FURIN: variants seen among roughly 807,000 people sequenced by gnomAD.
The protein encoded by FURIN is FES upstream region.
A neutral mutation model predicts 89.2 loss-of-function variants in FURIN; 18 were observed. The ratio of observed to expected loss-of-function variants is 0.20; its 90% confidence interval spans 0.14 to 0.30. The LOEUF is 0.30. FURIN is among the 10% of genes least tolerant of loss of function. FURIN has a pLI of 1.00. For synonymous variants in FURIN, 508 were observed against 466.4 expected, an observed-to-expected ratio of 1.09 and a Z score of -1.15; for missense variants, 879 against 1,100.5, an observed-to-expected ratio of 0.80 and a Z score of 2.85.
intron 1 of FURIN, among the ~76,000 whole-genome samples, chr15:90,871,840 G>A (rs1033064520): frequency 3.3e-5 from 5 of 150,076 alleles, no homozygotes; most frequent in African/African-American, 1.2e-4. Context: ...GGCCGGCCCC[G>A]AGGGTGGAGC....
chr15:90,874,915 C>T (rs574809095), intron 1 of FURIN, among the ~76,000 whole-genome samples: 1 of 152,052 alleles, frequency 6.6e-6, no homozygotes, highest in African/African-American at 2.4e-5. Flanking sequence ...TGTGTACATA[C>T]TGCTTTATAA....
rs746828864 is a variant in FURIN, at chr15:90,878,775, G to A, written c.852G>A (p.Gly284=). The part of the protein sequence containing the change: ...FFRGVSQGRG[G]LGSIFVWASG... ...CACTCTGTCCACAGGGCCGAGGGGG[G>A]CTGGGCTCCATCTTTGTCTGGGCCT... is the stretch of plus-strand genomic sequence containing the variant. The change falls in exon 9 of 16, where the codon GGG becomes GGA. Residue 284 remains glycine (G), a synonymous_variant. Coordinates refer to ENST00000268171, the MANE Select transcript of FURIN (RefSeq NM_002569.4). 1 of 1,604,256 alleles carries A rather than the reference G, an allele frequency of 6.2e-7. No homozygotes were observed.
At position 90,876,408 on chromosome 15, in the gene FURIN, A is replaced by G. The variant is rs977304908; in HGVS notation, c.277-54A>G. The stretch of plus-strand genomic sequence containing the variant: ...CCACCCTCCCCCTCCTGCTCTCAGG[A>G]GCCCCTCTCGCCTCCTGCTCCACCC... On this transcript the variant is annotated intron_variant, in intron 3 of 15. Coordinates refer to ENST00000268171, the MANE Select transcript of FURIN (RefSeq NM_002569.4). The surrounding 1 kb of genome is among the most constrained non-coding windows in gnomAD (Gnocchi z 5.0). 3.2e-5 allele frequency: 48 copies of G among 1,509,912 alleles called. No individual in the cohort carries two copies. The African/African-American group carries it at 4.9e-4, about 15-fold the overall frequency. 93.5% of individuals were successfully genotyped at this position (1,509,912 alleles called of 1,614,324 possible).
Position 90,879,383 on chromosome 15 carries a change from A to T in FURIN, c.1054-61A>T. The T allele has an allele frequency of 2.5e-6, 3 of 1,182,116 alleles. No homozygotes were observed. In the South Asian group the frequency reaches 3.7e-5, roughly 14 times the overall value. 73.2% of individuals were successfully genotyped at this position (1,182,116 alleles called of 1,614,324 possible). A position where few individuals can be genotyped will look rare whatever the true frequency, so the allele number is the denominator to read the frequency against. On this transcript the variant is annotated intron_variant, in intron 9 of 15. Coordinates refer to ENST00000268171, the MANE Select transcript of FURIN (RefSeq NM_002569.4). The stretch of plus-strand genomic sequence containing the variant: ...GCCTGTATGCAGAGGGAGGGTAGGC[A>T]GGTGGCTCCTCTAGCCCCCTCCACC...
At chr15:90,875,477 C>T in intron 1 of FURIN, 105 bp from the exon 2 acceptor site, 1 of 391,974 alleles carries the variant, frequency 2.6e-6, no homozygotes, top group Non-Finnish European at 4.5e-6. Context: ...TCCCCCAGAT[C>T]TCATTTCAGG....
chr15:90,875,630 C>T lies in FURIN; in HGVS notation c.-111C>T. On this transcript the variant is annotated 5_prime_UTR_variant, in exon 2 of 16. Coordinates refer to ENST00000268171, the MANE Select transcript of FURIN (RefSeq NM_002569.4). ...AGCCCTGCCCGTCTCGGCCCCATGC[C>T]CCCACCAGTCAGCCCCGGGCCACAG... is the stretch of plus-strand genomic sequence containing the variant. 4 of 954,680 alleles carry T rather than the reference C, an allele frequency of 4.2e-6. No homozygotes were observed. The highest frequency in any genetic ancestry group is 6.1e-6 in the Non-Finnish European group (4 of 658,956). 59.1% of individuals were successfully genotyped at this position (954,680 alleles called of 1,614,324 possible). A position where few individuals can be genotyped will look rare whatever the true frequency, so the allele number is the denominator to read the frequency against.
chr15:90,872,108 G>A (rs930660757), intron 1 of FURIN, among the ~76,000 whole-genome samples: 10 of 151,476 alleles, frequency 6.6e-5, no homozygotes, highest in African/African-American at 2.4e-4. Flanking sequence ...TCCGCCCGGG[G>A]AGGGGAGGAG....
At chr15:90,870,596 C>A (rs1179105183) in intron 1 of FURIN, among the ~76,000 whole-genome samples, 1 of 152,134 alleles carries the variant, frequency 6.6e-6, no homozygotes, top group Non-Finnish European at 1.5e-5. Context: ...TTGGAATAAC[C>A]CAGCCTGGGA....
At chr15:90,873,907 C>T (rs767545918) in intron 1 of FURIN, among the ~76,000 whole-genome samples, 18 of 152,218 alleles carry the variant, frequency 1.2e-4, no homozygotes, top group Non-Finnish European at 1.6e-4. Context: ...GGGACTGCAG[C>T]AGTCAGGGAG....
Position 90,878,206 on chromosome 15 carries a change from C to T in FURIN, c.742C>T (p.His248Tyr). The change falls in exon 8 of 16, where the codon CAC (histidine) becomes TAC (tyrosine). Residue 248 changes from histidine (H) to tyrosine (Y), a missense_variant. His to Tyr is a moderately conservative substitution (Grantham distance 83). Transcript: ENST00000268171. The stretch of plus-strand genomic sequence containing the variant: ...GCTGGGCCTGAACCCCAACCACATC[C>T]ACATCTACAGTGCCAGCTGGGGCCC... ...RSLGLNPNHI[H>Y]IYSASWGPED... The T allele has an allele frequency of 1.2e-6, 2 of 1,613,972 alleles. No individual in the cohort carries two copies. The highest frequency in any genetic ancestry group is 1.7e-6 in the Non-Finnish European group (2 of 1,179,984).
In FURIN at chr15:90,878,987, C is replaced by T; in HGVS notation, c.1053+11C>T. 3 of 1,532,270 alleles carry T rather than the reference C, an allele frequency of 2.0e-6. No individual in the cohort carries two copies. In the South Asian group the frequency reaches 3.5e-5, roughly 18 times the overall value. 94.9% of individuals were successfully genotyped at this position (1,532,270 alleles called of 1,614,324 possible). ...AATGAGAAGCAGATCGTGAGTCTTA[C>T]CTGGGGGTGGGGGCTGGGGAGATGG... On this transcript the variant is annotated intron_variant, in intron 9 of 15. Coordinates refer to ENST00000268171, the MANE Select transcript of FURIN (RefSeq NM_002569.4).
At position 90,877,520 on chromosome 15, in the gene FURIN, C is replaced by T; in HGVS notation, c.579-7C>T. 4 of 1,562,960 alleles carry T rather than the reference C, an allele frequency of 2.6e-6. No individual in the cohort carries two copies. The highest frequency in any genetic ancestry group is 3.5e-6 in the Non-Finnish European group (4 of 1,152,982). The stretch of plus-strand genomic sequence containing the variant: ...TTCTACTCATGCTACGTGCTTGGCC[C>T]TGGCAGGCACGGCACACGGTGTGCG... On this transcript the variant is annotated splice_region_variant and splice_polypyrimidine_tract_variant and intron_variant, in intron 6 of 15. Coordinates refer to ENST00000268171, the MANE Select transcript of FURIN (RefSeq NM_002569.4).
At chr15:90,870,642 G>A (rs925213800) in intron 1 of FURIN, among the ~76,000 whole-genome samples, 2 of 152,142 alleles carry the variant, frequency 1.3e-5, no homozygotes, top group African/African-American at 4.8e-5. Context: ...TTCTTTCTCA[G>A]CTCAAGCAGC....
At chr15:90,869,119 G>A (rs536074848) in intron 1 of FURIN, among the ~76,000 whole-genome samples, 200 of 152,248 alleles carry the variant, frequency 1.3e-3, no homozygotes, top group Non-Finnish European at 1.9e-3. Flanking sequence ...AGGCCTAGCT[G>A]GACTCTTCCT....
rs1193612220 is a variant in FURIN, at chr15:90,881,456, G to A, written c.1963G>A (p.Ala655Thr). 1.2e-6 allele frequency: 2 copies of A among 1,612,244 alleles called. No individual in the cohort carries two copies. Among genetic ancestry groups the A allele is most frequent in the African/African-American group, 1.3e-5 (1 of 75,012 alleles). ...CTCATGTGCCACATGCCAGGGGCCG[G>A]CCCTGACAGACTGCCTCAGCTGCCC... ...HASCATCQGP[A>T]LTDCLSCPSH... is the part of the protein sequence containing the mutation. The change falls in exon 16 of 16, where the codon GCC (alanine) becomes ACC (threonine). Residue 655 changes from alanine (A) to threonine (T), a missense_variant. By Grantham distance (58) the Ala-to-Thr change is moderately conservative (BLOSUM62 0). Transcript: ENST00000268171. The surrounding 1 kb of genome is among the most constrained non-coding windows in gnomAD (Gnocchi z 4.3).
chr15:90,871,126 C>T (rs1463181561), intron 1 of FURIN, among the ~76,000 whole-genome samples: 2 of 152,180 alleles, frequency 1.3e-5, no homozygotes, highest in African/African-American at 4.8e-5. Flanking sequence ...GACCCCAGGT[C>T]CGCCGTCCCT....
chr15:90,873,427 C>T (rs940887751), intron 1 of FURIN, among the ~76,000 whole-genome samples: 1 of 152,200 alleles, frequency 6.6e-6, no homozygotes, highest in African/African-American at 2.4e-5. Context: ...CTGGGCTAGA[C>T]CCAGATGAAC....
rs2031646403 is a variant in FURIN at position 90,876,640 on chromosome 15, C to T, written c.372+83C>T. 2.1e-6 allele frequency: 2 copies of T among 940,302 alleles called. No homozygotes were observed. Among genetic ancestry groups the T allele is most frequent in the Admixed American group, 3.8e-5 (2 of 52,160 alleles). 58.2% of individuals were successfully genotyped at this position (940,302 alleles called of 1,614,324 possible). On this transcript the variant is annotated intron_variant, in intron 4 of 15. Coordinates refer to ENST00000268171, the MANE Select transcript of FURIN (RefSeq NM_002569.4). This position sits in a 1 kb window ranked among gnomAD's most constrained non-coding sequence, Gnocchi z 5.0. ...TGAGCTCTTGGATGGAGGAGGCTGT[C>T]TTCGAGGCCTCCTCTGATTCGTTTC...
chr15:90,878,886 G>A lies in FURIN; in HGVS notation c.963G>A (p.Thr321=), dbSNP rs148427298. ...ACACGCTGTCCATCAGCAGCGCCAC[G>A]CAGTTTGGCAACGTGCCGTGGTACA... ...SIYTLSISSA[T]QFGNVPWYSE... Residue 321 remains threonine (T), a synonymous_variant, in exon 9 of 16, where the codon ACG becomes ACA. Coordinates refer to ENST00000268171, the MANE Select transcript of FURIN (RefSeq NM_002569.4). 298 of 1,612,964 alleles carry A rather than the reference G, an allele frequency of 1.8e-4. 1 individual carries two copies. Among genetic ancestry groups the A allele is most frequent in the Admixed American group, 5.0e-4 (30 of 60,026 alleles).
Sources: gnomAD v4.1 joint callset for allele counts (sites outside exome capture counted in the v4.1 genomes callset) on GRCh38, gnomAD v4.1.1 for gene constraint, Gnocchi (gnomAD v3.1) non-coding constraint, MANE v1.5 for transcripts, NCBI Gene and HGNC (gene_info 2026-07-23, HGNC 2026-07-21) for gene names.